Variants in NPC1 observed in about 807,000 individuals in gnomAD.
NPC1 encodes NPC intracellular cholesterol transporter 1, also known as Niemann-Pick C1 protein.
A neutral mutation model predicts 140.4 loss-of-function variants in NPC1; 85 were observed. The observed-to-expected ratio is 0.61, with a 90% CI of 0.51 to 0.72. The LOEUF is 0.72. Ranked by LOEUF, NPC1 falls within the 30% of genes least tolerant of loss-of-function variation. NPC1 has a pLI of 0.00. For missense variants in NPC1, 1,504 were observed against 1,623.8 expected (o/e 0.93, Z 1.27); for synonymous variants, 656 against 624.8 (o/e 1.05, Z -0.74).
intron 4 of NPC1, among the ~76,000 whole-genome samples, chr18:23,563,245 A>T (rs899467516): frequency 2.0e-5 from 3 of 152,236 alleles, no homozygotes; most frequent in African/African-American, 7.2e-5. Context: ...CATTGCAAGG[A>T]CATATGTTTT....
intron 3 of NPC1, among the ~76,000 whole-genome samples, chr18:23,571,232 TAAA>T (rs10715014): frequency 1.4e-5 from 2 of 147,044 alleles, no homozygotes; most frequent in Admixed American, 1.3e-4. Flanking sequence ...AAACTGACTT[TAAA>T]AAAAAAAAAA....
chr18:23,533,888 G>C (rs2145338915), intron 23 of NPC1: 1 of 345,106 alleles, frequency 2.9e-6, no homozygotes, highest in East Asian at 7.3e-5. Context: ...AACACTATTT[G>C]CTGCCTTATG....
At chr18:23,584,249 C>T (rs1045240520) in intron 1 of NPC1, among the ~76,000 whole-genome samples, 1 of 152,212 alleles carries the variant, frequency 6.6e-6, no homozygotes, top group Admixed American at 6.5e-5. Flanking sequence ...TAGAACTCTA[C>T]TAGCGCTCAG....
At chr18:23,554,527 A>C (rs1220273811) in intron 9 of NPC1, among the ~76,000 whole-genome samples, 1 of 151,830 alleles carries the variant, frequency 6.6e-6, no homozygotes, top group Non-Finnish European at 1.5e-5. Flanking sequence ...AATCGCTTGA[A>C]CTTGGGAGCC....
At chr18:23,577,294 T>C (rs1306552563) in intron 1 of NPC1, among the ~76,000 whole-genome samples, 1 of 146,378 alleles carries the variant, frequency 6.8e-6, no homozygotes, top group Non-Finnish European at 1.5e-5. Context: ...ACATAAAGGT[T>C]CTCCACGTCC....
In NPC1 at chr18:23,541,196, C is replaced by T. The variant is rs1405553426; in HGVS notation, c.2386G>A (p.Asp796Asn). The stretch of plus-strand genomic sequence containing the variant: ...GCACCTCTGACACAGCAAAAGATGT[C>T]TAGCCGATTTTTCTGAGGGGACAGA... ...DIKRQEKNRLDIFCCVRGAED... is the reference protein window; with the variant it reads ...DIKRQEKNRLNIFCCVRGAED... Residue 796 changes from aspartate (D) to asparagine (N), a missense_variant, in exon 16 of 25, where the codon GAC (aspartate) becomes AAC (asparagine). Coordinates refer to ENST00000269228, the MANE Select transcript of NPC1 (RefSeq NM_000271.5). 2 of 1,614,098 alleles carry T rather than the reference C, an allele frequency of 1.2e-6. No homozygotes were observed. Among genetic ancestry groups the T allele is most frequent in the Admixed American group, 1.7e-5 (1 of 60,008 alleles).
At chr18:23,584,717 G>T (rs1003053879) in intron 1 of NPC1, among the ~76,000 whole-genome samples, 3 of 152,144 alleles carry the variant, frequency 2.0e-5, no homozygotes, top group African/African-American at 7.2e-5. Flanking sequence ...AAATTAGCTG[G>T]GCGTGGTGGT....
In NPC1 at chr18:23,546,968, CTTTT is replaced by C. The variant is rs995639644; in HGVS notation, c.1757+1034_1757+1037del. 3.3e-5 allele frequency among the ~76,000 whole-genome samples: 5 copies of C among 151,902 alleles called. No individual in the cohort carries two copies. In the East Asian group the frequency reaches 9.6e-4, roughly 29 times the overall value. On this transcript the variant is annotated intron_variant, in intron 11 of 24. Coordinates refer to ENST00000269228, the MANE Select transcript of NPC1 (RefSeq NM_000271.5). ...TATAGTAAAGCTACTGAATTGTACG[CTTTT>C]TTTTCTTTTTAAATTCTCTTTTTTC...
At chr18:23,561,258 T>G in intron 5 of NPC1, 102 bp downstream of exon 5, 1 of 1,205,522 alleles carries the variant, frequency 8.3e-7, no homozygotes, top group Non-Finnish European at 1.2e-6. Flanking sequence ...GCAATTCTCT[T>G]GCCTCAGTCT....
chr18:23,558,600 T>C (rs1013475306), intron 6 of NPC1, among the ~76,000 whole-genome samples: 27 of 152,192 alleles, frequency 1.8e-4, no homozygotes, highest in Admixed American at 1.7e-3. Context: ...ATATGGGACC[T>C]TGAAACAGGG....
chr18:23,515,810 T>A, intron 3 of NPC1: 1 of 1,611,142 alleles, frequency 6.2e-7, no homozygotes, highest in Non-Finnish European at 8.5e-7. Flanking sequence ...TGGGATTAGT[T>A]TGCCGTTTTT....
chr18:23,571,041 G>C (rs1464790746), intron 3 of NPC1, among the ~76,000 whole-genome samples: 4 of 152,154 alleles, frequency 2.6e-5, no homozygotes, highest in African/African-American at 9.7e-5. Context: ...CTTCCCCACA[G>C]TGCACAGCTC....
chr18:23,530,958 T>C (rs971698596), downstream of NPC1, among the ~76,000 whole-genome samples: 5 of 152,090 alleles, frequency 3.3e-5, no homozygotes, highest in Non-Finnish European at 4.4e-5. Context: ...CTGGGGCTTA[T>C]TAAGGTTTCA....
downstream of NPC1, chr18:23,530,024 T>G: frequency 6.2e-7 from 1 of 1,611,878 alleles, no homozygotes; most frequent in Non-Finnish European, 8.5e-7. Flanking sequence ...ACTTTTGTCC[T>G]CAGCATTACC....
intron 4 of NPC1, among the ~76,000 whole-genome samples, chr18:23,568,164 A>C (rs1450492482): frequency 1.3e-5 from 2 of 152,156 alleles, no homozygotes; most frequent in Non-Finnish European, 2.9e-5. Flanking sequence ...TTGTAATGAC[A>C]CACGTGTTAC....
downstream of NPC1, chr18:23,526,875 C>A: frequency 7.1e-7 from 1 of 1,415,646 alleles, no homozygotes; most frequent in Non-Finnish European, 9.5e-7. Context: ...TGACCCACAG[C>A]CTCATTCTTT....
rs557375127 is a variant in NPC1 at position 23,559,102 on chromosome 18, T to A, written c.881+1129A>T. Reference sequence around the variant, plus strand: ...ATTCCATGGTGTGTATGTGCCACATTTTCTTAATCCAGTCTATCGTTGTTG... The same window carrying A: ...ATTCCATGGTGTGTATGTGCCACATATTCTTAATCCAGTCTATCGTTGTTG... On this transcript the variant is annotated intron_variant, in intron 6 of 24. Coordinates refer to ENST00000269228, the MANE Select transcript of NPC1 (RefSeq NM_000271.5). 2.6e-5 allele frequency among the ~76,000 whole-genome samples: 4 copies of A among 152,324 alleles called. No individual in the cohort carries two copies. The South Asian group carries it at 8.3e-4, about 32-fold the overall frequency.
rs751504562 is a variant in NPC1 at position 23,532,200 on chromosome 18, G to A, written c.*2C>T. The A allele has an allele frequency of 6.2e-7, 1 of 1,614,040 alleles. No homozygotes were observed. ...GTTCAGTCAGGATGCCCTGCGAGAG[G>A]GCTAGAAATTTAGAAGCCGTTCGCG... On this transcript the variant is annotated 3_prime_UTR_variant, in exon 25 of 25. Coordinates refer to ENST00000269228, the MANE Select transcript of NPC1 (RefSeq NM_000271.5).
intron 11 of NPC1, 77 bp from the exon 12 acceptor site, chr18:23,545,226 C>G (rs564140520): frequency 9.1e-7 from 1 of 1,102,590 alleles, no homozygotes; most frequent in African/African-American, 1.5e-5. Flanking sequence ...CTAACTTTCA[C>G]GATACAAAGG....
Sources: gnomAD v4.1 joint callset for allele counts (sites outside exome capture counted in the v4.1 genomes callset) on GRCh38, gnomAD v4.1.1 for gene constraint, MANE v1.5 for transcripts, NCBI Gene and HGNC (gene_info 2026-07-23, HGNC 2026-07-21) for gene names.